Variants in NLGN1 observed in about 807,000 individuals in gnomAD.
NLGN1 encodes neuroligin-1.
In NLGN1, 12 loss-of-function variants were observed where a neutral mutation model predicts 65.5. The observed-to-expected ratio is 0.18, with a 90% CI of 0.12 to 0.30. NLGN1 has a LOEUF of 0.30. NLGN1 is among the 10% of genes least tolerant of loss of function. NLGN1 has a pLI of 1.00. For synonymous variants in NLGN1, 350 were observed against 359.5 expected (o/e 0.97, Z 0.30); for missense variants, 750 against 1,007.1 (o/e 0.74, Z 3.46).
chr3:173,466,366 TAAAAAATAAAAAGCCCTGATAG>T (rs897268719), intron 2 of NLGN1, among the ~76,000 whole-genome samples: 2 of 151,940 alleles, frequency 1.3e-5, no homozygotes, highest in Non-Finnish European at 2.9e-5. Flanking sequence ...AAAATAAAAA[TAAAAAATAAAAAGCCCTGATAG>T]AGTATTTGAG....
At chr3:174,206,937 G>A (rs151213656) in intron 4 of NLGN1, among the ~76,000 whole-genome samples, 1 of 152,184 alleles carries the variant, frequency 6.6e-6, no homozygotes, top group East Asian at 1.9e-4. Flanking sequence ...AAAGTCTGAA[G>A]TATGATATCC....
chr3:173,720,010 A>G (rs967241730), intron 3 of NLGN1, among the ~76,000 whole-genome samples: 1 of 152,134 alleles, frequency 6.6e-6, no homozygotes, highest in Non-Finnish European at 1.5e-5. Flanking sequence ...GCTACTTTGA[A>G]TGTTGAGGTG....
At chr3:173,596,866 T>A (rs1324801713) in intron 2 of NLGN1, among the ~76,000 whole-genome samples, 2 of 152,196 alleles carry the variant, frequency 1.3e-5, no homozygotes, top group African/African-American at 4.8e-5. Context: ...ATGTTTAGAT[T>A]TAGTTGATCT....
At chr3:174,163,143 T>C (rs1726869482) in intron 4 of NLGN1, among the ~76,000 whole-genome samples, 1 of 152,020 alleles carries the variant, frequency 6.6e-6, no homozygotes, top group Non-Finnish European at 1.5e-5. Flanking sequence ...GATACCACTG[T>C]CTACTAGACT....
intron 1 of NLGN1, among the ~76,000 whole-genome samples, chr3:173,422,379 C>T (rs1715262317): frequency 6.6e-6 from 1 of 152,124 alleles, no homozygotes; most frequent in Non-Finnish European, 1.5e-5. Context: ...AATAAAAATA[C>T]TATATGATCT....
At chr3:173,800,791 A>T (rs759407823) in intron 3 of NLGN1, among the ~76,000 whole-genome samples, 3 of 151,982 alleles carry the variant, frequency 2.0e-5, no homozygotes, top group Non-Finnish European at 4.4e-5. Flanking sequence ...TTAAAAAAAC[A>T]CACACACCCA....
rs115619546 is a variant in NLGN1, at chr3:173,413,647, G to T, written c.-390+15160G>T. 4.4e-3 allele frequency among the ~76,000 whole-genome samples: 676 copies of T among 152,016 alleles called. 12 individuals carry two copies. Among genetic ancestry groups the T allele is most frequent in the African/African-American group, 0.016 (649 of 41,450 alleles). The stretch of plus-strand genomic sequence containing the variant: ...AAATAAAAACTTCTTAGTCTAGAAA[G>T]AGGGACCATTACTGAGGAAGAGATC... On this transcript the variant is annotated intron_variant, in intron 1 of 6. Coordinates refer to ENST00000457714, the Ensembl canonical transcript of NLGN1.
Position 174,264,252 on chromosome 3 carries a change from CTCCTGGATAATA to C in NLGN1, c.647-11057_647-11046del, listed in dbSNP as rs779389374. On this transcript the variant is annotated intron_variant, in intron 4 of 6. Transcript: ENST00000457714. ...GCCTGCCTTGCTAGATTGGGAAGTT[CTCCTGGATAATA>C]TCCTGCAGAGTGTTTTCCAACTTGG... is the stretch of plus-strand genomic sequence containing the variant. Among the ~76,000 whole-genome samples, 5 of 151,728 alleles carry C rather than the reference CTCCTGGATAATA, an allele frequency of 3.3e-5. No homozygotes were observed. The East Asian group carries it at 5.8e-4, about 18-fold the overall frequency.
exon 7 of NLGN1, chr3:174,283,375 A>C (rs572130511): frequency 2.6e-5 from 4 of 151,632 alleles, no homozygotes; most frequent in African/African-American, 9.6e-5. Flanking sequence ...GTTGTTAAAT[A>C]TCTCTTAGGT....
rs560576532 is a variant in NLGN1, at chr3:173,432,137, A to G, written c.-389-2873A>G. Among the ~76,000 whole-genome samples, 223 of 152,310 alleles carry G rather than the reference A, an allele frequency of 1.5e-3. 1 individual carries two copies. Among genetic ancestry groups the G allele is most frequent in the Admixed American group, 2.2e-3 (34 of 15,286 alleles). On this transcript the variant is annotated intron_variant, in intron 1 of 6. Coordinates refer to ENST00000457714, the Ensembl canonical transcript of NLGN1. Reference sequence around the variant, plus strand: ...TTTATCCATTAGCCTACTGAAGAACATCTTAGATTCTTCTAAATTTTGGAA... The same window carrying G: ...TTTATCCATTAGCCTACTGAAGAACGTCTTAGATTCTTCTAAATTTTGGAA...
At chr3:174,266,598 G>A (rs767827346) in intron 4 of NLGN1, among the ~76,000 whole-genome samples, 97 of 152,106 alleles carry the variant, frequency 6.4e-4, no homozygotes, top group Non-Finnish European at 1.1e-3. Flanking sequence ...TAGGTCAAAC[G>A]GTATTTCTAT....
At chr3:174,071,406 G>A (rs1739828854) in intron 4 of NLGN1, among the ~76,000 whole-genome samples, 1 of 152,128 alleles carries the variant, frequency 6.6e-6, no homozygotes, top group Non-Finnish European at 1.5e-5. Context: ...GGTGGATCAG[G>A]TTTGATGTCT....
chr3:173,622,586 GA>G (rs530414476), intron 3 of NLGN1, among the ~76,000 whole-genome samples: 429 of 143,356 alleles, frequency 3.0e-3, no homozygotes, highest in Non-Finnish European at 3.9e-3. Context: ...AAAAGAGGAG[GA>G]AAAAAAAAAA....
intron 4 of NLGN1, among the ~76,000 whole-genome samples, chr3:173,868,316 T>A (rs908373463): frequency 6.6e-6 from 1 of 152,164 alleles, no homozygotes; most frequent in African/African-American, 2.4e-5. Context: ...TTTAATTGTT[T>A]TATCTATATG....
chr3:174,149,665 AAATTT>A (rs1723966354), intron 4 of NLGN1, among the ~76,000 whole-genome samples: 1 of 152,158 alleles, frequency 6.6e-6, no homozygotes, highest in African/African-American at 2.4e-5. Context: ...AAATATTGAT[AAATTT>A]AATAAAACTC....
intron 4 of NLGN1, among the ~76,000 whole-genome samples, chr3:173,970,181 C>T (rs1715883852): frequency 6.6e-6 from 1 of 152,112 alleles, no homozygotes; most frequent in Non-Finnish European, 1.5e-5. Flanking sequence ...CTATTGTGCA[C>T]TTACGATGTG....
At chr3:173,749,205 C>G (rs1241049918) in intron 3 of NLGN1, among the ~76,000 whole-genome samples, 1 of 151,918 alleles carries the variant, frequency 6.6e-6, no homozygotes, top group Non-Finnish European at 1.5e-5. Context: ...TTTGCTATAA[C>G]TTAGAAAGGA....
intron 4 of NLGN1, among the ~76,000 whole-genome samples, chr3:174,102,166 G>A (rs141808861): frequency 6.6e-5 from 10 of 152,226 alleles, no homozygotes; most frequent in African/African-American, 2.4e-4. Context: ...CAAATGTACT[G>A]CTGAATGTGA....
At chr3:173,602,578 G>T (rs1234374737) in intron 2 of NLGN1, among the ~76,000 whole-genome samples, 1 of 151,968 alleles carries the variant, frequency 6.6e-6, no homozygotes, top group East Asian at 1.9e-4. Context: ...TACAAAAAAA[G>T]GAGTGTTATT....
Sources: allele counts gnomAD v4.1 joint callset (sites outside exome capture counted in the v4.1 genomes callset), GRCh38; gene constraint gnomAD v4.1.1; transcripts MANE v1.5; gene names NCBI Gene and HGNC (gene_info 2026-07-23, HGNC 2026-07-21).